ACAP3: variants seen among roughly 807,000 people sequenced by gnomAD.
ACAP3 encodes ArfGAP with coiled-coil, ankyrin repeat and PH domains 3, also known as arf-GAP with coiled-coil, ANK repeat and PH domain-containing protein 3.
ACAP3 carries 56 observed loss-of-function variants against 104.1 expected under a neutral mutation model. The ratio of observed to expected loss-of-function variants is 0.54; its 90% CI spans 0.43 to 0.67. The LOEUF (loss-of-function observed/expected upper bound fraction) is 0.67, where lower values mean the gene tolerates loss of function less well. Among genes scored for constraint, ACAP3 ranks in the 30% least tolerant of loss-of-function variants. ACAP3 has a pLI of 0.00. For missense variants in ACAP3, 1,208 were observed against 1,174.9 expected, an observed-to-expected ratio of 1.03 and a Z score of -0.41; for synonymous variants, 628 against 496.2, an observed-to-expected ratio of 1.27 and a Z score of -3.53.
intron 19 of ACAP3, 48 bp downstream of exon 19, chr1:1,295,399 C>T (rs767850356): frequency 2.6e-6 from 4 of 1,560,010 alleles, no homozygotes; most frequent in Non-Finnish European, 3.5e-6. Context: ...TTCAGGCCAG[C>T]CTCCTTGGCC....
At position 1,307,750 on chromosome 1, in the gene ACAP3, G is replaced by A; in HGVS notation, c.47+19C>T. ...ACGCCCCCGGCCTGCGCCCACCCCG[G>A]CGGCCCCGGGCGGCGCACCTGAAGC... On this transcript the variant is annotated intron_variant, in intron 1 of 23. Transcript: ENST00000354700. 9.1e-7 allele frequency: 1 copy of A among 1,096,024 alleles called. No homozygotes were observed. The highest frequency in any genetic ancestry group is 1.1e-6 in the Non-Finnish European group (1 of 901,482). The allele number at this position is 1,096,024 out of a possible 1,614,324, so 67.9% of individuals were successfully genotyped here.
Position 1,307,757 on chromosome 1 carries a change from C to G in ACAP3, c.47+12G>C. 1 of 1,098,232 alleles carries G rather than the reference C, an allele frequency of 9.1e-7. No individual in the cohort carries two copies. Among genetic ancestry groups the G allele is most frequent in the Non-Finnish European group, 1.1e-6 (1 of 902,722 alleles). The allele number at this position is 1,098,232 out of a possible 1,614,324, so 68.0% of individuals were successfully genotyped here. ...CGGCCTGCGCCCACCCCGGCGGCCC[C>G]GGGCGGCGCACCTGAAGCGCGGGGA... On this transcript the variant is annotated intron_variant, in intron 1 of 23. Coordinates refer to ENST00000354700, the MANE Select transcript of ACAP3 (RefSeq NM_030649.3).
At position 1,294,036 on chromosome 1, in the gene ACAP3, G is replaced by T. The variant is rs542685171; in HGVS notation, c.2249+54C>A. On this transcript the variant is annotated intron_variant, in intron 22 of 23. Transcript: ENST00000354700. ...GGGCATGGCGGACAGGGCGTAGCCG[G>T]GCCGGGGTAGGCGTGGTCGGGGCAC... 15 of 1,496,594 alleles carry T rather than the reference G, an allele frequency of 1.0e-5. 1 individual carries two copies. In the South Asian group the frequency reaches 1.7e-4, roughly 17 times the overall value. 92.7% of individuals were successfully genotyped at this position (1,496,594 alleles called of 1,614,324 possible). A position where few individuals can be genotyped will look rare whatever the true frequency, so the allele number is the denominator to read the frequency against.
intron 14 of ACAP3, 138 bp from the exon 15 acceptor site, chr1:1,296,771 G>A (rs966993334): frequency 1.6e-5 from 14 of 895,908 alleles, no homozygotes; most frequent in Admixed American, 4.3e-5. Context: ...ACGTACACGC[G>A]CACACCCTCA....
chr1:1,299,285 G>A, intron 10 of ACAP3, 60 bp downstream of exon 10: 3 of 1,570,264 alleles, frequency 1.9e-6, no homozygotes, highest in Non-Finnish European at 2.6e-6. Flanking sequence ...AGGAGGGAAA[G>A]GCACCGCCCC....
chr1:1,300,586 C>G lies in ACAP3; in HGVS notation c.445G>C (p.Glu149Gln), dbSNP rs774587787. 1.2e-6 allele frequency: 2 copies of G among 1,611,300 alleles called. No individual in the cohort carries two copies. The highest frequency in any genetic ancestry group is 1.7e-5 in the Admixed American group (1 of 59,642). ...NAQAPRHRPH[E>Q]VEEATGALTL... is the part of the protein sequence containing the mutation. The stretch of plus-strand genomic sequence containing the variant: ...AGGGCCCCGGTGGCTTCCTCCACCT[C>G]GTGGGGCCGGTGCCTCGGGGCCTGG... The change falls in exon 6 of 24, where the codon GAG becomes CAG. Residue 149 changes from glutamate (E) to glutamine (Q), a missense_variant. Transcript: ENST00000354700.
Position 1,293,652 on chromosome 1 carries a change from G to A in ACAP3, c.2417C>T (p.Pro806Leu), listed in dbSNP as rs1451114049. Residue 806 changes from proline (P) to leucine (L), a missense_variant, in exon 24 of 24, where the codon CCC (proline) becomes CTC (leucine). Transcript: ENST00000354700. ...EMREAEAAPGPPGALAGSPTE... is the reference protein window; with the variant it reads ...EMREAEAAPGLPGALAGSPTE... ...GGGGCTGCCCGCCAGGGCGCCCGGG[G>A]GACCAGGGGCAGCCTCGGCCTCGCG... is the stretch of plus-strand genomic sequence containing the variant. 18 of 1,474,218 alleles carry A rather than the reference G, an allele frequency of 1.2e-5. No homozygotes were observed. The highest frequency in any genetic ancestry group is 4.5e-5 in the African/African-American group (3 of 66,412). The allele number at this position is 1,474,218 out of a possible 1,614,324, so 91.3% of individuals were successfully genotyped here. A position where few individuals can be genotyped will look rare whatever the true frequency, so the allele number is the denominator to read the frequency against.
At chr1:1,295,384 C>T in intron 19 of ACAP3, 63 bp downstream of exon 19, 1 of 1,487,926 alleles carries the variant, frequency 6.7e-7, no homozygotes, top group Non-Finnish European at 9.3e-7. Flanking sequence ...CACACTCAGG[C>T]ACCCTTCAGG....
In ACAP3 at chr1:1,303,315, G is replaced by A. The variant is rs1641533505; in HGVS notation, c.106-34C>T. ...CAGCGGGGCGTGGTGAGCACAGTGG[G>A]CACTGGCGCCTGCACTCGCCACCAC... On this transcript the variant is annotated intron_variant, in intron 2 of 23. Coordinates refer to ENST00000354700, the MANE Select transcript of ACAP3 (RefSeq NM_030649.3). This position sits in a 1 kb window ranked among gnomAD's most constrained non-coding sequence, Gnocchi z 4.0. 2 of 1,551,008 alleles carry A rather than the reference G, an allele frequency of 1.3e-6. No homozygotes were observed. Among genetic ancestry groups the A allele is most frequent in the African/African-American group, 2.7e-5 (2 of 73,314 alleles).
At position 1,293,630 on chromosome 1, in the gene ACAP3, G is replaced by A. The variant is rs1196207138; in HGVS notation, c.2439C>T (p.Ser813=). Residue 813 remains serine (S), a synonymous_variant, in exon 24 of 24, where the codon AGC becomes AGT. Coordinates refer to ENST00000354700, the MANE Select transcript of ACAP3 (RefSeq NM_030649.3). ...APGPPGALAG[S]PTELQFRRCI... is the part of the protein sequence containing the mutation. Reference sequence around the variant, plus strand: ...ACCTGCGGAACTGGAGCTCCGTGGGGCTGCCCGCCAGGGCGCCCGGGGGAC... The same window carrying A: ...ACCTGCGGAACTGGAGCTCCGTGGGACTGCCCGCCAGGGCGCCCGGGGGAC... 4 of 1,489,508 alleles carry A rather than the reference G, an allele frequency of 2.7e-6. No individual in the cohort carries two copies. Among genetic ancestry groups the A allele is most frequent in the Non-Finnish European group, 2.7e-6 (3 of 1,126,512 alleles). The allele number at this position is 1,489,508 out of a possible 1,614,324, so 92.3% of individuals were successfully genotyped here.
At chr1:1,304,052 G>C in intron 2 of ACAP3, 34 bp downstream of exon 2, 1 of 1,550,040 alleles carries the variant, frequency 6.5e-7, no homozygotes, top group Non-Finnish European at 8.7e-7. Flanking sequence ...CCCAAGCTTG[G>C]CCGGGCACAG....
In ACAP3 at chr1:1,300,032, GGAA is replaced by G; in HGVS notation, c.601_603del (p.Phe201del). On this transcript the variant is annotated inframe_deletion, in exon 8 of 24. Transcript: ENST00000354700. The stretch of plus-strand genomic sequence containing the variant: ...TGGTGCAGGAGGCTGTAGCCCTGCT[GGAA>G]GAAGCTGGACTGGGCGTGCATGAAG... 6.2e-7 allele frequency: 1 copy of G among 1,612,558 alleles called. No homozygotes were observed. The highest frequency in any genetic ancestry group is 8.5e-7 in the Non-Finnish European group (1 of 1,179,862).
Position 1,303,390 on chromosome 1 carries a change from G to T in ACAP3, c.106-109C>A. 1 of 1,463,942 alleles carries T rather than the reference G, an allele frequency of 6.8e-7. No individual in the cohort carries two copies. The highest frequency in any genetic ancestry group is 9.1e-7 in the Non-Finnish European group (1 of 1,098,536). The allele number at this position is 1,463,942 out of a possible 1,614,324, so 90.7% of individuals were successfully genotyped here. Reference sequence around the variant, plus strand: ...AGCTCCCAGGGTAGGTTCCACTCAGGGCGTTGGCACTCAGGACTCAGTGCC... The same window carrying T: ...AGCTCCCAGGGTAGGTTCCACTCAGTGCGTTGGCACTCAGGACTCAGTGCC... On this transcript the variant is annotated intron_variant, in intron 2 of 23. Transcript: ENST00000354700. The surrounding 1 kb of genome is among the most constrained non-coding windows in gnomAD (Gnocchi z 4.0).
chr1:1,293,696 C>T lies in ACAP3; in HGVS notation c.2373G>A (p.Ala791=), dbSNP rs1570623284. ...NADIVTLLRL[A]RMAEEMREAE... ...CCTCGCGCATTTCCTCCGCCATGCG[C>T]GCCAGACGGAGCCTACGGGGAGGCA... Residue 791 remains alanine (A), a synonymous_variant, in exon 24 of 24, where the codon GCG becomes GCA. Transcript: ENST00000354700. 1.4e-6 allele frequency: 2 copies of T among 1,430,026 alleles called. No individual in the cohort carries two copies. The highest frequency in any genetic ancestry group is 1.6e-5 in the African/African-American group (1 of 62,672). The allele number at this position is 1,430,026 out of a possible 1,614,324, so 88.6% of individuals were successfully genotyped here.
In ACAP3 at chr1:1,303,812, C is replaced by T; in HGVS notation, c.105+274G>A. 1.8e-6 allele frequency: 1 copy of T among 555,900 alleles called. No individual in the cohort carries two copies. Among genetic ancestry groups the T allele is most frequent in the South Asian group, 2.1e-5 (1 of 48,188 alleles). The allele number at this position is 555,900 out of a possible 1,614,324, so 34.4% of individuals were successfully genotyped here. A position where few individuals can be genotyped will look rare whatever the true frequency, so the allele number is the denominator to read the frequency against. On this transcript the variant is annotated intron_variant, in intron 2 of 23. Transcript: ENST00000354700. The surrounding 1 kb of genome is among the most constrained non-coding windows in gnomAD (Gnocchi z 4.0). ...AGCAGCTGTCCCCGTGTCACCAGCC[C>T]AGCAGAGGGGACGGGCAGCCACCGT...
chr1:1,307,590 T>G (rs1641794984), intron 1 of ACAP3, among the ~76,000 whole-genome samples, 179 bp downstream of exon 1: 1 of 152,094 alleles, frequency 6.6e-6, no homozygotes, highest in Non-Finnish European at 1.5e-5. Flanking sequence ...GAGCGTCTTT[T>G]GTTCCAACCC....
intron 1 of ACAP3, among the ~76,000 whole-genome samples, chr1:1,306,193 C>T (rs1274566540): frequency 6.6e-6 from 1 of 152,180 alleles, no homozygotes; most frequent in African/African-American, 2.4e-5. Flanking sequence ...ATAACTGGCT[C>T]CTGTAACAGG....
In ACAP3 at chr1:1,307,894, C is replaced by T; in HGVS notation, c.-79G>A. ...GCCGCGCCGGCCCGGACCGCTCGTCCCGCCCGCGCCGCCTCGGCGCCCGCC... is the reference window on the plus strand; with the variant it reads ...GCCGCGCCGGCCCGGACCGCTCGTCTCGCCCGCGCCGCCTCGGCGCCCGCC... On this transcript the variant is annotated 5_prime_UTR_variant, in exon 1 of 24. Transcript: ENST00000354700. 1.2e-6 allele frequency: 1 copy of T among 826,876 alleles called. No individual in the cohort carries two copies. The highest frequency in any genetic ancestry group is 1.5e-6 in the Non-Finnish European group (1 of 686,732). 51.2% of individuals were successfully genotyped at this position (826,876 alleles called of 1,614,324 possible).
rs1056830812 is a variant in ACAP3, at chr1:1,304,281, T to A, written c.48-138A>T. On this transcript the variant is annotated intron_variant, in intron 1 of 23. Coordinates refer to ENST00000354700, the MANE Select transcript of ACAP3 (RefSeq NM_030649.3). ...ACAGGCTGGGAGACAGACGCCTGCC[T>A]GCTACGGGGGCAGGACTGGGACCAG... is the stretch of plus-strand genomic sequence containing the variant. 8.7e-6 allele frequency: 9 copies of A among 1,037,316 alleles called. No individual in the cohort carries two copies. In the Admixed American group the frequency reaches 8.8e-5, roughly 10 times the overall value. 64.3% of individuals were successfully genotyped at this position (1,037,316 alleles called of 1,614,324 possible).
Sources: gnomAD v4.1 joint callset for allele counts (sites outside exome capture counted in the v4.1 genomes callset) on GRCh38, gnomAD v4.1.1 for gene constraint, Gnocchi (gnomAD v3.1) non-coding constraint, MANE v1.5 for transcripts, NCBI Gene and HGNC (gene_info 2026-07-23, HGNC 2026-07-21) for gene names.